GPR149: variants seen among roughly 807,000 people sequenced by gnomAD.
The protein encoded by GPR149 is probable G protein-coupled receptor 149.
GPR149 carries 50 observed loss-of-function variants against 50.2 expected under a neutral mutation model. The observed-to-expected ratio is 1.00, with a 90% confidence interval of 0.79 to 1.26. GPR149 has a LOEUF of 1.26. GPR149 is among the 50% of genes most tolerant of loss of function. The pLI, the probability that GPR149 is intolerant of heterozygous loss-of-function variation, is 0.00. For synonymous variants in GPR149, 405 were observed against 358.2 expected (o/e 1.13, Z -1.48); for missense variants, 983 against 895.4 (o/e 1.10, Z -1.25).
chr3:154,421,612 C>G, intron 2 of GPR149, 125 bp from the exon 3 acceptor site: 1 of 522,750 alleles, frequency 1.9e-6, no homozygotes, highest in South Asian at 4.0e-5. Context: ...AAACTATCTT[C>G]ATTTACTTTT....
intron 3 of GPR149, among the ~76,000 whole-genome samples, chr3:154,367,949 G>A (rs908891428): frequency 2.6e-5 from 4 of 152,148 alleles, no homozygotes; most frequent in Non-Finnish European, 4.4e-5. Context: ...ACTTAAAGGC[G>A]ATTAGCGCGG....
At chr3:154,361,348 G>A (rs1011987826) in intron 3 of GPR149, among the ~76,000 whole-genome samples, 3 of 152,270 alleles carry the variant, frequency 2.0e-5, no homozygotes, top group Admixed American at 6.5e-5. Context: ...TTCCTGGGGA[G>A]AGAATAGCAT....
At chr3:154,411,654 T>C (rs1711837224) in intron 3 of GPR149, among the ~76,000 whole-genome samples, 2 of 151,958 alleles carry the variant, frequency 1.3e-5, no homozygotes, top group Admixed American at 1.3e-4. Flanking sequence ...ACCAGGAAGA[T>C]ATAGAACCTT....
chr3:154,409,049 C>T (rs1380791285), intron 3 of GPR149, among the ~76,000 whole-genome samples: 2 of 152,198 alleles, frequency 1.3e-5, no homozygotes, highest in African/African-American at 4.8e-5. Flanking sequence ...GATCACATCA[C>T]AGGACTCTTT....
At chr3:154,404,727 G>C (rs1711636033) in intron 3 of GPR149, among the ~76,000 whole-genome samples, 1 of 152,154 alleles carries the variant, frequency 6.6e-6, no homozygotes, top group African/African-American at 2.4e-5. Flanking sequence ...CTGTGCTTCA[G>C]TTTTTTCATC....
In GPR149 at chr3:154,429,667, C is replaced by CA; in HGVS notation, c.-53dup. On this transcript the variant is annotated 5_prime_UTR_variant, in exon 1 of 4. The change creates a premature stop within an existing upstream ORF in the 5' untranslated region. Transcript: ENST00000389740. ...TTATCAATGAGTCTGATAATTTTCTCAAAAGAAAGACCGGCTGCTGCAAAT... is the reference window on the plus strand; with the variant it reads ...TTATCAATGAGTCTGATAATTTTCTCAAAAAGAAAGACCGGCTGCTGCAAAT... 1 of 1,489,366 alleles carries CA rather than the reference C, an allele frequency of 6.7e-7. No homozygotes were observed. The highest frequency in any genetic ancestry group is 9.2e-7 in the Non-Finnish European group (1 of 1,091,086). 92.3% of individuals were successfully genotyped at this position (1,489,366 alleles called of 1,614,324 possible).
chr3:154,421,392 A>T lies in GPR149; in HGVS notation c.1270T>A (p.Ser424Thr). The change falls in exon 3 of 4, where the codon TCC (serine) becomes ACC (threonine). Residue 424 changes from serine (S) to threonine (T), a missense_variant. Physicochemically the swap from Ser to Thr is moderately conservative, Grantham distance 58. Transcript: ENST00000389740. ...HEDYYDDDEN[S>T]IFYHNLMNSE... ...TTCATCAGGTTGTGATAGAATATGGAATTTTCATCATCATCATAGTAATCT... is the reference window on the plus strand; with the variant it reads ...TTCATCAGGTTGTGATAGAATATGGTATTTTCATCATCATCATAGTAATCT... 6.2e-7 allele frequency: 1 copy of T among 1,611,940 alleles called. No individual in the cohort carries two copies. Among genetic ancestry groups the T allele is most frequent in the East Asian group, 2.2e-5 (1 of 44,860 alleles).
At chr3:154,347,252 T>C (rs1161120011) in intron 3 of GPR149, among the ~76,000 whole-genome samples, 1 of 152,182 alleles carries the variant, frequency 6.6e-6, no homozygotes, top group Non-Finnish European at 1.5e-5. Flanking sequence ...AGGTAATTTA[T>C]AAAAGAAAGA....
chr3:154,393,951 T>C (rs1007170014), intron 3 of GPR149, among the ~76,000 whole-genome samples: 1 of 152,024 alleles, frequency 6.6e-6, no homozygotes, highest in Non-Finnish European at 1.5e-5. Flanking sequence ...TCCATGTTTG[T>C]GTTGGAACTT....
At chr3:154,373,189 G>A (rs528027560) in intron 3 of GPR149, among the ~76,000 whole-genome samples, 1 of 152,084 alleles carries the variant, frequency 6.6e-6, no homozygotes, top group African/African-American at 2.4e-5. Context: ...AGAAAAAGTG[G>A]GCCAAAGAGG....
At chr3:154,363,168 C>T (rs1356149881) in intron 3 of GPR149, among the ~76,000 whole-genome samples, 1 of 152,166 alleles carries the variant, frequency 6.6e-6, no homozygotes, top group Non-Finnish European at 1.5e-5. Context: ...GGAGTTTTAA[C>T]CTTGTCCTTA....
At chr3:154,369,013 G>A (rs1007255213) in intron 3 of GPR149, among the ~76,000 whole-genome samples, 5 of 152,244 alleles carry the variant, frequency 3.3e-5, no homozygotes, top group African/African-American at 9.6e-5. Context: ...TTTCCATCCC[G>A]CTGGTAAGCA....
intron 2 of GPR149, among the ~76,000 whole-genome samples, chr3:154,424,813 A>G (rs1312243021): frequency 6.6e-6 from 1 of 151,778 alleles, no homozygotes; most frequent in Non-Finnish European, 1.5e-5. Context: ...GATGTGAGTA[A>G]TTACATCCAC....
intron 3 of GPR149, among the ~76,000 whole-genome samples, chr3:154,371,977 G>A (rs1241358042): frequency 1.3e-5 from 2 of 152,118 alleles, no homozygotes; most frequent in Non-Finnish European, 2.9e-5. Context: ...CATCTACCAA[G>A]GACCCCTGGA....
intron 3 of GPR149, among the ~76,000 whole-genome samples, chr3:154,371,969 T>G (rs890941316): frequency 2.2e-5 from 3 of 133,934 alleles, no homozygotes; most frequent in Non-Finnish European, 4.9e-5. Context: ...ACTCACGGCA[T>G]CTACCAAGGA....
At chr3:154,357,925 T>C (rs1304492509) in intron 3 of GPR149, among the ~76,000 whole-genome samples, 1 of 152,114 alleles carries the variant, frequency 6.6e-6, no homozygotes, top group African/African-American at 2.4e-5. Context: ...ATTAAGAAAA[T>C]GTGGCACATA....
intron 3 of GPR149, among the ~76,000 whole-genome samples, chr3:154,368,613 A>G (rs1295846741): frequency 7.2e-5 from 11 of 152,146 alleles, no homozygotes; most frequent in Non-Finnish European, 1.5e-5. Flanking sequence ...CAACCATTCA[A>G]TAGTTGGTAT....
chr3:154,375,270 A>G (rs970867206), intron 3 of GPR149, among the ~76,000 whole-genome samples: 8 of 152,180 alleles, frequency 5.3e-5, no homozygotes, highest in Non-Finnish European at 8.8e-5. Context: ...AAAACATTAC[A>G]TTTTGTACAT....
Position 154,378,377 on chromosome 3 carries a change from A to AG in GPR149, c.1624-40107dup, listed in dbSNP as rs566321675. Among the ~76,000 whole-genome samples, 37 of 152,226 alleles carry AG rather than the reference A, an allele frequency of 2.4e-4. No homozygotes were observed. In the South Asian group the frequency reaches 7.5e-3, roughly 31 times the overall value. On this transcript the variant is annotated intron_variant, in intron 3 of 3. Transcript: ENST00000389740. The stretch of plus-strand genomic sequence containing the variant: ...CCAAAGTGCTGGGATTACAGGTGTA[A>AG]GCCACCACACCGGAACTATATAACA...
Sources: allele counts gnomAD v4.1 joint callset (sites outside exome capture counted in the v4.1 genomes callset), GRCh38; gene constraint gnomAD v4.1.1; transcripts MANE v1.5; gene names NCBI Gene and HGNC (gene_info 2026-07-23, HGNC 2026-07-21).